Variants in LRP1B observed in about 807,000 individuals in gnomAD.
LRP1B encodes the protein low-density lipoprotein receptor-related protein 1B.
In LRP1B, 217 loss-of-function variants were observed where a neutral mutation model predicts 556.6. The observed-to-expected ratio is 0.39, with a 90% confidence interval of 0.35 to 0.44. The LOEUF (loss-of-function observed/expected upper bound fraction) is 0.44. Among genes scored for constraint, LRP1B ranks in the 20% least tolerant of loss-of-function variants. The pLI is 1.00. For missense variants in LRP1B, 5,053 were observed against 5,620.8 expected (o/e 0.90, Z 3.23); for synonymous variants, 2,047 against 1,865.8 (o/e 1.10, Z -2.50).
chr2:141,650,427 T>C (rs985976741), intron 2 of LRP1B, among the ~76,000 whole-genome samples: 2 of 151,954 alleles, frequency 1.3e-5, no homozygotes, highest in East Asian at 1.9e-4. Context: ...TGAGTTGAGG[T>C]ATGTTAAACC....
intron 2 of LRP1B, among the ~76,000 whole-genome samples, chr2:141,783,303 A>T (rs948570506): frequency 2.6e-5 from 4 of 152,094 alleles, no homozygotes; most frequent in Admixed American, 2.0e-4. Context: ...GATCAGAGAG[A>T]GAGGAGTTCA....
rs528422802 is a variant in LRP1B at position 140,315,090 on chromosome 2, C to G, written c.12650G>C (p.Cys4217Ser). 6.2e-7 allele frequency: 1 copy of G among 1,602,568 alleles called. No individual in the cohort carries two copies. The highest frequency in any genetic ancestry group is 1.7e-5 in the Admixed American group (1 of 58,756). ...CNDDSLLDDS[C>S]KLTCENGGRC... ...TCCTCCATTTTCACAAGTTAACTTA[C>G]ATGAATCATCTGTTTATGAGAAGAA... Residue 4217 changes from cysteine to serine, a missense_variant, in exon 83 of 91, where the codon TGT becomes TCT. By Grantham distance (112) the Cys-to-Ser change is moderately radical (BLOSUM62 -1). Transcript: ENST00000389484.
intron 49 of LRP1B, among the ~76,000 whole-genome samples, chr2:140,522,221 A>C (rs1033693807): frequency 4.6e-5 from 7 of 152,104 alleles, no homozygotes; most frequent in Admixed American, 1.3e-4. Flanking sequence ...AAAAATACCA[A>C]ATTCTCAGGC....
intron 41 of LRP1B, among the ~76,000 whole-genome samples, chr2:140,670,607 C>T (rs575560023): frequency 6.6e-6 from 1 of 152,008 alleles, no homozygotes; most frequent in Admixed American, 6.5e-5. Flanking sequence ...ATATTTATTC[C>T]CTGAAGGGTA....
At chr2:141,824,455 G>T (rs1175123124) in intron 1 of LRP1B, among the ~76,000 whole-genome samples, 1 of 152,138 alleles carries the variant, frequency 6.6e-6, no homozygotes, top group Non-Finnish European at 1.5e-5. Flanking sequence ...CGCCTCCCAG[G>T]TTCACGCCAT....
intron 1 of LRP1B, among the ~76,000 whole-genome samples, chr2:141,929,912 C>G (rs1231789634): frequency 9.6e-6 from 1 of 104,120 alleles, no homozygotes; most frequent in Non-Finnish European, 1.8e-5. Context: ...CGGATGGAAA[C>G]AAAAAAAAAA....
chr2:140,358,130 CA>C lies in LRP1B; in HGVS notation c.11258-15del. The C allele has an allele frequency of 6.2e-7, 1 of 1,605,654 alleles. No individual in the cohort carries two copies. Among genetic ancestry groups the C allele is most frequent in the Non-Finnish European group, 8.5e-7 (1 of 1,175,106 alleles). On this transcript the variant is annotated splice_polypyrimidine_tract_variant and intron_variant, in intron 73 of 90. Transcript: ENST00000389484. Reference sequence around the variant, plus strand: ...ATGTCAGCTTACCTATAGAGTCATACAAAAAATGATTAGTGCTTCACAGAAT... The same window carrying C: ...ATGTCAGCTTACCTATAGAGTCATACAAAAATGATTAGTGCTTCACAGAAT...
chr2:140,696,563 A>G (rs567206105), intron 41 of LRP1B, among the ~76,000 whole-genome samples: 25 of 152,270 alleles, frequency 1.6e-4, no homozygotes, highest in African/African-American at 5.1e-4. Flanking sequence ...GAGGTTGCCA[A>G]CCCCTGGACC....
In LRP1B at chr2:140,353,078, AAAG is replaced by A. The variant is rs1206639066; in HGVS notation, c.11531-9_11531-7del. On this transcript the variant is annotated splice_polypyrimidine_tract_variant and splice_region_variant and intron_variant, in intron 75 of 90. Transcript: ENST00000389484. ...CACCAAACATTCATTAAGGTCTAGAAAAGAAGAGCTCAAAATAGCATCATCATA... is the reference window on the plus strand; with the variant it reads ...CACCAAACATTCATTAAGGTCTAGAAAAGAGCTCAAAATAGCATCATCATA... 9 of 1,612,564 alleles carry A rather than the reference AAAG, an allele frequency of 5.6e-6. No homozygotes were observed. The highest frequency in any genetic ancestry group is 7.6e-6 in the Non-Finnish European group (9 of 1,179,250).
chr2:141,709,676 G>A (rs532708333), intron 2 of LRP1B, among the ~76,000 whole-genome samples: 1 of 152,228 alleles, frequency 6.6e-6, no homozygotes, highest in African/African-American at 2.4e-5. Flanking sequence ...GATAAAATAA[G>A]GACACAAAGC....
At chr2:140,900,656 T>C (rs1236271513) in intron 23 of LRP1B, among the ~76,000 whole-genome samples, 5 of 152,194 alleles carry the variant, frequency 3.3e-5, no homozygotes, top group African/African-American at 1.2e-4. Flanking sequence ...GGCTGGATAT[T>C]ATGTAAAACA....
chr2:140,282,263 C>T (rs1682946283), intron 84 of LRP1B, among the ~76,000 whole-genome samples: 1 of 151,718 alleles, frequency 6.6e-6, no homozygotes, highest in Non-Finnish European at 1.5e-5. Context: ...TGTTGATAAA[C>T]ACTCATTTTT....
intron 2 of LRP1B, 103 bp from the exon 3 acceptor site, chr2:141,480,636 T>C (rs375686305): frequency 8.9e-7 from 1 of 1,117,518 alleles, no homozygotes; most frequent in East Asian, 2.4e-5. Flanking sequence ...AACAAAACTA[T>C]AGAAAATACT....
intron 3 of LRP1B, among the ~76,000 whole-genome samples, chr2:141,303,540 T>G (rs1469506741): frequency 6.6e-6 from 1 of 152,156 alleles, no homozygotes; most frequent in Non-Finnish European, 1.5e-5. Context: ...TATGCAATAT[T>G]TTTATTTCAG....
chr2:141,197,531 C>T (rs1473886601), intron 6 of LRP1B, among the ~76,000 whole-genome samples: 2 of 151,956 alleles, frequency 1.3e-5, no homozygotes, highest in African/African-American at 4.8e-5. Flanking sequence ...CAAAAAAGAA[C>T]ATATATGATA....
chr2:141,628,433 C>G (rs1323755124), intron 2 of LRP1B, among the ~76,000 whole-genome samples: 1 of 151,432 alleles, frequency 6.6e-6, no homozygotes, highest in East Asian at 1.9e-4. Flanking sequence ...GTTGGGTAAA[C>G]AATGAATAGG....
intron 1 of LRP1B, among the ~76,000 whole-genome samples, chr2:141,915,163 G>A (rs534507109): frequency 1.1e-3 from 172 of 152,202 alleles, no homozygotes; most frequent in African/African-American, 3.7e-3. Context: ...TTAGACCAAT[G>A]GAACAGAATA....
At chr2:141,341,005 C>T (rs1688036950) in intron 3 of LRP1B, among the ~76,000 whole-genome samples, 1 of 152,014 alleles carries the variant, frequency 6.6e-6, no homozygotes, top group Non-Finnish European at 1.5e-5. Flanking sequence ...TCAAAATAAT[C>T]CAGTGATGAA....
chr2:141,827,384 T>C (rs1271597163), intron 1 of LRP1B, among the ~76,000 whole-genome samples: 2 of 152,236 alleles, frequency 1.3e-5, no homozygotes, highest in Non-Finnish European at 2.9e-5. Context: ...TAAACCTTTA[T>C]GTTTTTTAAA....
Sources: allele counts gnomAD v4.1 joint callset (sites outside exome capture counted in the v4.1 genomes callset), GRCh38; gene constraint gnomAD v4.1.1; transcripts MANE v1.5; gene names NCBI Gene and HGNC (gene_info 2026-07-23, HGNC 2026-07-21).